The following FAM169A variants were observed in gnomAD, a reference collection of about 807,000 sequenced individuals.
FAM169A encodes family with sequence similarity 169 member A, also known as soluble lamin-associated protein of 75 kDa.
In FAM169A, 24 loss-of-function variants were observed where a neutral mutation model predicts 75.7. The observed-to-expected ratio is 0.32, with a 90% CI of 0.23 to 0.45. FAM169A has a LOEUF of 0.45. Among genes scored for constraint, FAM169A ranks in the 20% least tolerant of loss-of-function variants. The pLI is 1.00. For synonymous variants in FAM169A, 271 were observed against 271.0 expected (o/e 1.00, Z 0.00); for missense variants, 673 against 784.0 (o/e 0.86, Z 1.69).
intron 1 of FAM169A, among the ~76,000 whole-genome samples, chr5:74,846,564 A>G (rs1580160172): frequency 6.6e-6 from 1 of 152,346 alleles, no homozygotes; most frequent in South Asian, 2.1e-4. Context: ...TAGATTGATC[A>G]CTGAAAAGGA....
intron 1 of FAM169A, among the ~76,000 whole-genome samples, chr5:74,849,632 T>C (rs1458994801): frequency 6.6e-6 from 1 of 152,132 alleles, no homozygotes; most frequent in Middle Eastern, 3.2e-3. Context: ...CTGAACCTTA[T>C]TATGATTCCT....
At chr5:74,859,943 T>A (rs1259854199) in intron 1 of FAM169A, among the ~76,000 whole-genome samples, 2 of 152,136 alleles carry the variant, frequency 1.3e-5, no homozygotes, top group African/African-American at 4.8e-5. Context: ...GGTAAGAAGA[T>A]GAGGATCACT....
intron 1 of FAM169A, among the ~76,000 whole-genome samples, chr5:74,843,638 C>G (rs757859543): frequency 3.9e-5 from 6 of 152,114 alleles, no homozygotes; most frequent in Non-Finnish European, 5.9e-5. Context: ...TAATTTTGCT[C>G]ATTTTGAACT....
At chr5:74,802,231 T>A (rs531444529) in intron 8 of FAM169A, among the ~76,000 whole-genome samples, 1 of 152,308 alleles carries the variant, frequency 6.6e-6, no homozygotes, top group African/African-American at 2.4e-5. Context: ...TCCTTTGTAC[T>A]ACCATTGCTT....
At chr5:74,840,592 G>A (rs1223288595) in intron 2 of FAM169A, among the ~76,000 whole-genome samples, 4 of 151,344 alleles carry the variant, frequency 2.6e-5, no homozygotes, top group South Asian at 2.1e-4. Context: ...ACTCTGGGGA[G>A]GCCAAGGCGG....
In FAM169A at chr5:74,779,528, ACAGAG is replaced by A. The variant is rs369659863; in HGVS notation, c.*1927_*1931del. ...AAGATTAAGAATTTACTGAATCTTAACAGAGTATTTCCCTTTGTGATATTGACAGA... is the reference window on the plus strand; with the variant it reads ...AAGATTAAGAATTTACTGAATCTTAATATTTCCCTTTGTGATATTGACAGA... On this transcript the variant is annotated 3_prime_UTR_variant, in exon 13 of 13. Coordinates refer to ENST00000687041, the MANE Select transcript of FAM169A (RefSeq NM_001376049.1). 657 of 152,304 alleles carry A rather than the reference ACAGAG, an allele frequency of 4.3e-3. 9 individuals carry two copies. The highest frequency in any genetic ancestry group is 0.015 in the African/African-American group (619 of 41,570). The allele number at this position is 152,304 out of a possible 1,614,324, so 9.4% of individuals were successfully genotyped here.
At chr5:74,850,272 C>CT (rs1489937065) in intron 1 of FAM169A, among the ~76,000 whole-genome samples, 1 of 152,216 alleles carries the variant, frequency 6.6e-6, no homozygotes, top group Admixed American at 6.6e-5. Flanking sequence ...ACTCCGATGT[C>CT]TGTTTTTTTC....
intron 1 of FAM169A, among the ~76,000 whole-genome samples, chr5:74,851,953 C>T (rs887824818): frequency 1.4e-4 from 22 of 152,096 alleles, no homozygotes; most frequent in South Asian, 4.1e-4. Flanking sequence ...ACGAGTCTAA[C>T]TATATGTTCA....
chr5:74,861,581 G>C (rs144736090), intron 1 of FAM169A, among the ~76,000 whole-genome samples: 1,579 of 152,250 alleles, frequency 0.01, 11 homozygotes, highest in Non-Finnish European at 0.016. Flanking sequence ...CAGGCGTGCT[G>C]ATGGGCACCT....
chr5:74,813,693 A>G (rs953133311), intron 6 of FAM169A, 147 bp downstream of exon 6: 1 of 472,494 alleles, frequency 2.1e-6, no homozygotes, highest in African/African-American at 2.0e-5. Flanking sequence ...ACAAATACAT[A>G]AGGGCACATT....
intron 11 of FAM169A, among the ~76,000 whole-genome samples, chr5:74,787,973 G>A (rs1745780819): frequency 6.6e-6 from 1 of 152,086 alleles, no homozygotes; most frequent in South Asian, 2.1e-4. Flanking sequence ...CTTGAGGAAG[G>A]ACCCCACTAC....
rs1750340509 is a variant in FAM169A at position 74,866,295 on chromosome 5, G to A, written c.-134C>T. ...GGCCGCACAGCTCGCGGCTGCCAGG[G>A]CGAGTGCGGCTGCCTCCCGCTCGCC... On this transcript the variant is annotated 5_prime_UTR_variant, in exon 1 of 13. Transcript: ENST00000687041. The A allele has an allele frequency of 2.0e-6, 2 of 984,006 alleles. No individual in the cohort carries two copies. Among genetic ancestry groups the A allele is most frequent in the South Asian group, 4.7e-5 (1 of 21,296 alleles). The allele number at this position is 984,006 out of a possible 1,614,324, so 61.0% of individuals were successfully genotyped here.
upstream of FAM169A, chr5:74,866,806 C>T (rs962748010): frequency 1.0e-6 from 1 of 985,548 alleles, no homozygotes; most frequent in Non-Finnish European, 1.2e-6. Context: ...CGCGTAGGCC[C>T]TCCTGAAATT....
intron 1 of FAM169A, among the ~76,000 whole-genome samples, chr5:74,846,724 C>T (rs1424795141): frequency 6.6e-6 from 1 of 152,084 alleles, no homozygotes; most frequent in African/African-American, 2.4e-5. Flanking sequence ...ACTATCGCAC[C>T]CAGCTAGTCT....
In FAM169A at chr5:74,781,678, C is replaced by A; in HGVS notation, c.1795G>T (p.Val599Leu). Residue 599 changes from valine to leucine, a missense_variant, in exon 13 of 13, where the codon GTG becomes TTG. By Grantham distance (32) the Val-to-Leu change is conservative. Coordinates refer to ENST00000687041, the MANE Select transcript of FAM169A (RefSeq NM_001376049.1). ...SSLIEVELED[V>L]PFSQNAGQKN... ...TGTCCTGCATTCTGTGAAAATGGCA[C>A]GTCTTCAAGTTCAACCTCTATCAAA... is the stretch of plus-strand genomic sequence containing the variant. The A allele has an allele frequency of 1.9e-6, 3 of 1,614,130 alleles. No individual in the cohort carries two copies. Among genetic ancestry groups the A allele is most frequent in the Non-Finnish European group, 2.5e-6 (3 of 1,180,012 alleles).
Position 74,799,708 on chromosome 5 carries a change from G to C in FAM169A, c.1103+1172C>G. On this transcript the variant is annotated intron_variant, in intron 10 of 12. Transcript: ENST00000687041. The stretch of plus-strand genomic sequence containing the variant: ...TGCTGATGCCTCAAAAAGTGTGCAT[G>C]TCTCAATCTGAAGACGGAGTTCCAG... The C allele has an allele frequency of 2.4e-6, 3 of 1,239,810 alleles. No individual in the cohort carries two copies. In the South Asian group the frequency reaches 3.6e-5, roughly 15 times the overall value. 76.8% of individuals were successfully genotyped at this position (1,239,810 alleles called of 1,614,324 possible).
At chr5:74,809,881 A>G (rs775342517) in intron 6 of FAM169A, among the ~76,000 whole-genome samples, 30 of 152,216 alleles carry the variant, frequency 2.0e-4, no homozygotes, top group Non-Finnish European at 3.4e-4. Context: ...CCACATATTT[A>G]TACTAACGGG....
In FAM169A at chr5:74,866,328, C is replaced by G. The variant is rs1750344020; in HGVS notation, c.-167G>C. ...GGCTGCCTCCCGCTCGCCCCGGACG[C>G]CCGGCTCCTCGTCGCGGGTCGGCCG... On this transcript the variant is annotated 5_prime_UTR_variant, in exon 1 of 13. Transcript: ENST00000687041. 3.0e-6 allele frequency: 3 copies of G among 984,394 alleles called. No individual in the cohort carries two copies. In the South Asian group the frequency reaches 1.4e-4, roughly 46 times the overall value. The allele number at this position is 984,394 out of a possible 1,614,324, so 61.0% of individuals were successfully genotyped here.
intron 8 of FAM169A, among the ~76,000 whole-genome samples, chr5:74,803,678 C>T (rs886882010): frequency 6.6e-6 from 1 of 152,046 alleles, no homozygotes; most frequent in African/African-American, 2.4e-5. Flanking sequence ...TTAAGCAGTA[C>T]CACAAAACAT....
Sources: gnomAD v4.1 joint callset for allele counts (sites outside exome capture counted in the v4.1 genomes callset) on GRCh38, gnomAD v4.1.1 for gene constraint, MANE v1.5 for transcripts, NCBI Gene and HGNC (gene_info 2026-07-23, HGNC 2026-07-21) for gene names.